Variants in NEDD4 observed in about 807,000 individuals in gnomAD.
NEDD4 encodes E3 ubiquitin-protein ligase NEDD4.
A neutral mutation model predicts 144.9 loss-of-function variants in NEDD4; 99 were observed. The observed-to-expected ratio is 0.68, with a 90% CI of 0.58 to 0.81. NEDD4 has a LOEUF of 0.81. Among genes scored for constraint, NEDD4 ranks in the 30% least tolerant of loss-of-function variants. NEDD4 has a pLI of 0.00. For missense variants in NEDD4, 985 were observed against 1,065.9 expected (o/e 0.92, Z 1.06); for synonymous variants, 318 against 350.6 (o/e 0.91, Z 1.04).
intron 5 of NEDD4, among the ~76,000 whole-genome samples, chr15:55,892,126 C>T (rs530199510): frequency 1.3e-4 from 20 of 151,768 alleles, no homozygotes; most frequent in Admixed American, 3.9e-4. Context: ...ATTAGCCAGG[C>T]GTGGTGGTGG....
At chr15:55,830,030 A>C (rs1484965767) in intron 28 of NEDD4, 31 bp from the exon 29 acceptor site, 1 of 1,518,936 alleles carries the variant, frequency 6.6e-7, no homozygotes, top group Non-Finnish European at 9.1e-7. Flanking sequence ...TGGTTATGAA[A>C]GACACTGACA....
intron 4 of NEDD4, among the ~76,000 whole-genome samples, chr15:55,932,434 A>C (rs1404532337): frequency 1.3e-5 from 2 of 152,252 alleles, no homozygotes; most frequent in Non-Finnish European, 2.9e-5. Flanking sequence ...TTCCCTATTT[A>C]ATAAATGATG....
Position 55,848,407 on chromosome 15 carries a change from C to A in NEDD4, c.1507G>T (p.Asp503Tyr). ...NHNIKRTQWEDPRLENVAITG... is the reference protein window; with the variant it reads ...NHNIKRTQWEYPRLENVAITG... ...ATTGCTACATTCTCCAACCGAGGAT[C>A]TTCCCATTGTGTTCTTTTTATATCT... Residue 503 changes from aspartate (D) to tyrosine (Y), a missense_variant, in exon 17 of 29, where the codon GAT becomes TAT. Asp to Tyr is a radical substitution (Grantham distance 160). Transcript: ENST00000435532. 1 of 1,614,130 alleles carries A rather than the reference C, an allele frequency of 6.2e-7. No individual in the cohort carries two copies. Among genetic ancestry groups the A allele is most frequent in the Non-Finnish European group, 8.5e-7 (1 of 1,180,010 alleles).
At chr15:55,938,612 C>T (rs1333471322) in intron 4 of NEDD4, among the ~76,000 whole-genome samples, 4 of 151,948 alleles carry the variant, frequency 2.6e-5, no homozygotes, top group Non-Finnish European at 2.9e-5. Context: ...TTGACAAGTG[C>T]AGCTACATTT....
chr15:55,854,140 C>T (rs866579650), intron 12 of NEDD4, among the ~76,000 whole-genome samples: 3 of 152,062 alleles, frequency 2.0e-5, no homozygotes, highest in African/African-American at 7.2e-5. Context: ...CAGAGCAAGA[C>T]TCCATCCCCC....
At chr15:55,973,743 C>T (rs575601525) in intron 1 of NEDD4, among the ~76,000 whole-genome samples, 1 of 150,938 alleles carries the variant, frequency 6.6e-6, no homozygotes, top group East Asian at 1.9e-4. Flanking sequence ...ATAATGGAAA[C>T]ACAACATAGC....
At chr15:55,983,632 G>T (rs1232673914) in intron 1 of NEDD4, among the ~76,000 whole-genome samples, 11 of 140,276 alleles carry the variant, frequency 7.8e-5, no homozygotes, top group Non-Finnish European at 1.2e-4. Flanking sequence ...TTTTTTTTGA[G>T]ACAGAGTGTT....
At chr15:55,966,006 G>C (rs752143750) in intron 2 of NEDD4, among the ~76,000 whole-genome samples, 3 of 152,090 alleles carry the variant, frequency 2.0e-5, no homozygotes, top group Non-Finnish European at 4.4e-5. Context: ...CCCAGGCCAT[G>C]AAGACTACAA....
chr15:55,983,445 C>T (rs1425732273), intron 1 of NEDD4, among the ~76,000 whole-genome samples: 1 of 152,160 alleles, frequency 6.6e-6, no homozygotes, highest in Non-Finnish European at 1.5e-5. Flanking sequence ...AGCACTCCAA[C>T]CTTCCTGTTC....
Position 55,993,572 on chromosome 15 carries a change from CAA to C in NEDD4, c.-19_-18del. The C allele has an allele frequency of 6.3e-7, 1 of 1,591,054 alleles. No homozygotes were observed. The highest frequency in any genetic ancestry group is 8.5e-7 in the Non-Finnish European group (1 of 1,171,402). ...AGTTGCCATTTCCGAACGCTTCCAG[CAA>C]ACCGGACGCGCTCGCCCCCGCCCAG... On this transcript the variant is annotated 5_prime_UTR_variant, in exon 1 of 29. Transcript: ENST00000435532.
At chr15:55,835,511 C>A (rs2033155399) in intron 24 of NEDD4, among the ~76,000 whole-genome samples, 1 of 149,528 alleles carries the variant, frequency 6.7e-6, no homozygotes, top group South Asian at 2.1e-4. Context: ...GTTCCCAGGT[C>A]TCTCTCCACA....
intron 1 of NEDD4, among the ~76,000 whole-genome samples, chr15:55,976,752 C>T (rs552709224): frequency 2.6e-5 from 4 of 151,902 alleles, no homozygotes; most frequent in Non-Finnish European, 5.9e-5. Flanking sequence ...GCCTCGCCTC[C>T]CTAAGAGCTG....
At chr15:55,908,764 G>A (rs551383426) in intron 5 of NEDD4, among the ~76,000 whole-genome samples, 18 of 152,132 alleles carry the variant, frequency 1.2e-4, no homozygotes, top group East Asian at 3.9e-4. Context: ...CCTGTGAGTC[G>A]GACACAGCAG....
intron 1 of NEDD4, among the ~76,000 whole-genome samples, chr15:55,988,487 T>TAAAAA (rs56688563): frequency 9.8e-5 from 10 of 101,672 alleles, no homozygotes; most frequent in East Asian, 2.9e-4. Context: ...AAAAAAAAAT[T>TAAAAA]AAAAAAAAAA....
At chr15:55,904,688 T>C (rs921114780) in intron 5 of NEDD4, among the ~76,000 whole-genome samples, 7 of 152,152 alleles carry the variant, frequency 4.6e-5, no homozygotes, top group Non-Finnish European at 8.8e-5. Flanking sequence ...TTACCAAGAA[T>C]GCAAAAAGTT....
intron 5 of NEDD4, among the ~76,000 whole-genome samples, chr15:55,900,322 A>G (rs1444157694): frequency 6.6e-6 from 1 of 152,188 alleles, no homozygotes; most frequent in Non-Finnish European, 1.5e-5. Context: ...AGAGCACTTT[A>G]TAGCTGCTTG....
rs767874914 is a variant in NEDD4, at chr15:55,923,645, C to CAAAAA, written c.291+996_291+1000dup. ...CTGGCGACAAAGCGAGACTCCATCT[C>CAAAAA]AAAAAAAAAAAAAAATATATATATA... On this transcript the variant is annotated intron_variant, in intron 5 of 28. Coordinates refer to ENST00000435532, the MANE Select transcript of NEDD4 (RefSeq NM_006154.4). 1.2e-3 allele frequency among the ~76,000 whole-genome samples: 152 copies of CAAAAA among 123,270 alleles called. 2 individuals are homozygous for CAAAAA. Among genetic ancestry groups the CAAAAA allele is most frequent in the East Asian group, 7.6e-3 (30 of 3,934 alleles). The allele number at this position is 123,270 out of a possible 152,430, so 80.9% of individuals were successfully genotyped here.
intron 7 of NEDD4, among the ~76,000 whole-genome samples, chr15:55,869,937 G>A (rs1438189130): frequency 7.9e-5 from 12 of 152,040 alleles, no homozygotes; most frequent in African/African-American, 2.7e-4. Context: ...TTAAGTGAAC[G>A]ATCAGAGACA....
chr15:55,935,263 T>A (rs1252693165), intron 4 of NEDD4, among the ~76,000 whole-genome samples: 1 of 152,142 alleles, frequency 6.6e-6, no homozygotes, highest in African/African-American at 2.4e-5. Context: ...TAGATTAGGA[T>A]TTCGTTGTAT....
Sources: allele counts gnomAD v4.1 joint callset (sites outside exome capture counted in the v4.1 genomes callset), GRCh38; gene constraint gnomAD v4.1.1; transcripts MANE v1.5; gene names NCBI Gene and HGNC (gene_info 2026-07-23, HGNC 2026-07-21).